PCDHGA3: variants seen among roughly 807,000 people sequenced by gnomAD.
PCDHGA3 encodes the protein protocadherin gamma subfamily A, 3, also known as protocadherin gamma-A3.
PCDHGA3 carries 40 observed loss-of-function variants against 58.5 expected under a neutral mutation model. That is an observed-to-expected ratio of 0.68 (90% CI 0.53 to 0.89). The LOEUF (loss-of-function observed/expected upper bound fraction) is 0.89. Ranked by LOEUF, PCDHGA3 falls within the 40% of genes least tolerant of loss-of-function variation. The probability of loss-of-function intolerance (pLI) is 0.00; values close to 1 mark genes in which losing one functional copy is unlikely to be tolerated. For missense variants in PCDHGA3, 1,223 were observed against 1,195.9 expected, an observed-to-expected ratio of 1.02 and a Z score of -0.33; for synonymous variants, 530 against 525.7, an observed-to-expected ratio of 1.01 and a Z score of -0.11.
At chr5:141,350,538 G>C in intron 1 of PCDHGA3, 10 of 1,614,050 alleles carry the variant, frequency 6.2e-6, no homozygotes, top group South Asian at 1.1e-5. Context: ...GAGAAGATTT[G>C]CGGAAGGAAA....
chr5:141,366,780 C>A, intron 1 of PCDHGA3: 1 of 1,584,768 alleles, frequency 6.3e-7, no homozygotes, highest in Non-Finnish European at 8.6e-7. Context: ...TAAGGATGAC[C>A]AGAACATTTT....
At chr5:141,459,885 C>A (rs1333668105) in intron 1 of PCDHGA3, among the ~76,000 whole-genome samples, 1 of 152,106 alleles carries the variant, frequency 6.6e-6, no homozygotes, top group East Asian at 1.9e-4. Flanking sequence ...CTGAGCTGAA[C>A]GCCTTCTTAA....
At chr5:141,392,249 T>C (rs1474806816) in intron 1 of PCDHGA3, 1 of 152,206 alleles carries the variant, frequency 6.6e-6, no homozygotes, top group Non-Finnish European at 1.5e-5. Context: ...TTTGTTAGTA[T>C]ATATTGGAGA....
chr5:141,443,650 CA>C (rs2098397782), intron 1 of PCDHGA3, among the ~76,000 whole-genome samples: 1 of 152,150 alleles, frequency 6.6e-6, no homozygotes. Flanking sequence ...ATAATGTTAG[CA>C]TAGCATTTTA....
intron 1 of PCDHGA3, among the ~76,000 whole-genome samples, chr5:141,433,397 A>ATCTATCTG (rs1554126017): frequency 5.3e-5 from 8 of 150,410 alleles, no homozygotes; most frequent in Non-Finnish European, 1.2e-4. Context: ...CTATCTATCT[A>ATCTATCTG]TCTATCTATT....
At chr5:141,421,986 AG>A in intron 1 of PCDHGA3, 2 of 1,609,004 alleles carry the variant, frequency 1.2e-6, no homozygotes, top group Non-Finnish European at 1.7e-6. Flanking sequence ...TGAGTGTTCC[AG>A]AAAACATCAG....
chr5:141,392,962 A>G, intron 1 of PCDHGA3: 1 of 1,613,902 alleles, frequency 6.2e-7, no homozygotes, highest in Admixed American at 1.7e-5. Context: ...AATATCTCCA[A>G]GGACCTGGGG....
intron 1 of PCDHGA3, among the ~76,000 whole-genome samples, chr5:141,353,952 A>G (rs1759424640): frequency 6.6e-6 from 1 of 152,214 alleles, no homozygotes; most frequent in Admixed American, 6.5e-5. Flanking sequence ...TAAGTGAGGA[A>G]TAAGCTTAAG....
In PCDHGA3 at chr5:141,491,722, C is replaced by T. The variant is rs1276921909; in HGVS notation, c.2425-3085C>T. ...CCAGGTGAGGGGCTCGGCGCCGCCC[C>T]GGGCGACCCCTGGGGGCGGCACTGG... On this transcript the variant is annotated intron_variant, in intron 1 of 3. Coordinates refer to ENST00000253812, the MANE Select transcript of PCDHGA3 (RefSeq NM_018916.4). This position sits in a 1 kb window ranked among gnomAD's most constrained non-coding sequence, Gnocchi z 6.9. The T allele has an allele frequency of 6.2e-7, 1 of 1,607,004 alleles. No homozygotes were observed.
chr5:141,409,599 C>T (rs753753955), intron 1 of PCDHGA3: 22 of 1,613,822 alleles, frequency 1.4e-5, no homozygotes, highest in Non-Finnish European at 1.8e-5. Flanking sequence ...GAGAACAACC[C>T]GCCAGGAGCC....
intron 1 of PCDHGA3, among the ~76,000 whole-genome samples, chr5:141,437,490 A>C (rs549866784): frequency 6.6e-6 from 1 of 152,190 alleles, no homozygotes; most frequent in African/African-American, 2.4e-5. Flanking sequence ...AATCTCGTAG[A>C]TCACTTTTCA....
intron 1 of PCDHGA3, chr5:141,422,327 T>C (rs1561800795): frequency 1.3e-6 from 2 of 1,548,652 alleles, no homozygotes; most frequent in African/African-American, 2.8e-5. Context: ...GGTACAGTGA[T>C]TGCTCTTCTA....
chr5:141,376,129 C>G, intron 1 of PCDHGA3: 2 of 1,613,928 alleles, frequency 1.2e-6, no homozygotes, highest in Non-Finnish European at 1.7e-6. Context: ...AGCCCTCCGC[C>G]AAACCCAACG....
At chr5:141,405,227 C>T (rs562247940) in intron 1 of PCDHGA3, 1 of 1,614,114 alleles carries the variant, frequency 6.2e-7, no homozygotes, top group South Asian at 1.1e-5. Flanking sequence ...GGAGTTCTCC[C>T]TCACCGCTGA....
intron 1 of PCDHGA3, among the ~76,000 whole-genome samples, chr5:141,469,170 G>A (rs2099192781): frequency 6.6e-6 from 1 of 152,042 alleles, no homozygotes; most frequent in South Asian, 2.1e-4. Context: ...CAGCTACTTG[G>A]GAGGCTGAGG....
intron 1 of PCDHGA3, chr5:141,405,552 G>A (rs2094685427): frequency 1.6e-6 from 1 of 623,718 alleles, no homozygotes. Context: ...CCCAAGTAGA[G>A]TAGCTGGGAC....
intron 1 of PCDHGA3, among the ~76,000 whole-genome samples, chr5:141,369,043 C>A (rs187962324): frequency 6.6e-6 from 1 of 152,148 alleles, no homozygotes; most frequent in Non-Finnish European, 1.5e-5. Flanking sequence ...TTTAGAGTAA[C>A]AATACATTAT....
At chr5:141,451,193 A>T (rs2098710240) in intron 1 of PCDHGA3, among the ~76,000 whole-genome samples, 1 of 152,208 alleles carries the variant, frequency 6.6e-6, no homozygotes, top group Non-Finnish European at 1.5e-5. Context: ...TGTGTAACAA[A>T]TTATCCCAAA....
chr5:141,390,398 A>G, intron 1 of PCDHGA3: 1 of 1,365,554 alleles, frequency 7.3e-7, no homozygotes, highest in Non-Finnish European at 1.0e-6. Flanking sequence ...GGATCATTTT[A>G]GGAAAGTTGT....
Sources: gnomAD v4.1 joint callset for allele counts (sites outside exome capture counted in the v4.1 genomes callset) on GRCh38, gnomAD v4.1.1 for gene constraint, Gnocchi (gnomAD v3.1) non-coding constraint, MANE v1.5 for transcripts, NCBI Gene and HGNC (gene_info 2026-07-23, HGNC 2026-07-21) for gene names.